The following SLIT2 variants were observed in gnomAD, a reference collection of about 807,000 sequenced individuals.
SLIT2 encodes slit homolog 2 protein.
In SLIT2, 41 loss-of-function variants were observed where a neutral mutation model predicts 185.7. That is an observed-to-expected ratio of 0.22 (90% confidence interval 0.17 to 0.29). SLIT2 has a LOEUF of 0.29. Among genes scored for constraint, SLIT2 ranks in the 10% least tolerant of loss-of-function variants. The pLI is 1.00. For synonymous variants in SLIT2, 693 were observed against 680.2 expected, an observed-to-expected ratio of 1.02 and a Z score of -0.29; for missense variants, 1,571 against 1,909.0, an observed-to-expected ratio of 0.82 and a Z score of 3.30.
chr4:20,274,445 A>G (rs1713959315), intron 4 of SLIT2, among the ~76,000 whole-genome samples: 1 of 152,200 alleles, frequency 6.6e-6, no homozygotes, highest in African/African-American at 2.4e-5. Context: ...AAGAAAGAAA[A>G]GTGCAAAGCC....
intron 22 of SLIT2, among the ~76,000 whole-genome samples, 184 bp from the exon 23 acceptor site, chr4:20,548,304 G>A (rs41266539): frequency 1.6e-3 from 242 of 152,210 alleles, no homozygotes; most frequent in Middle Eastern, 3.4e-3. Flanking sequence ...ACAGTGAGGT[G>A]TAAATAATCA....
chr4:20,508,297 A>G (rs1719384664), intron 9 of SLIT2, among the ~76,000 whole-genome samples: 1 of 151,988 alleles, frequency 6.6e-6, no homozygotes, highest in Non-Finnish European at 1.5e-5. Context: ...AACTTATTAT[A>G]CCTAAGAAAA....
chr4:20,312,241 A>G (rs561604895), intron 4 of SLIT2, among the ~76,000 whole-genome samples: 12 of 152,328 alleles, frequency 7.9e-5, no homozygotes, highest in Admixed American at 4.6e-4. Flanking sequence ...TACTCAACCA[A>G]CTCAACTAAC....
intron 4 of SLIT2, among the ~76,000 whole-genome samples, chr4:20,407,698 T>C (rs916575025): frequency 2.0e-5 from 3 of 152,164 alleles, no homozygotes; most frequent in African/African-American, 7.2e-5. Context: ...ACCTTTTTTG[T>C]TTGAGTTAAG....
intron 4 of SLIT2, among the ~76,000 whole-genome samples, chr4:20,461,614 C>A (rs182043147): frequency 6.6e-6 from 1 of 152,090 alleles, no homozygotes; most frequent in Non-Finnish European, 1.5e-5. Context: ...TAGGTGCGAT[C>A]AGGGGACTAG....
intron 33 of SLIT2, among the ~76,000 whole-genome samples, chr4:20,602,450 A>T (rs187269623): frequency 3.0e-4 from 46 of 152,342 alleles, no homozygotes; most frequent in African/African-American, 1.1e-3. Context: ...TTACATCTGG[A>T]TAGAAGATCA....
rs148839223 is a variant in SLIT2 at position 20,488,588 on chromosome 4, C to T, written c.612-231C>T. 3.2e-3 allele frequency among the ~76,000 whole-genome samples: 490 copies of T among 151,874 alleles called. 9 individuals are homozygous for T. The East Asian group carries it at 0.077, about 24-fold the overall frequency. ...TAAATGAACGTAAGTGAAATATGTT[C>T]GTTTAAAACATAATTTTATGGACAT... On this transcript the variant is annotated intron_variant, in intron 7 of 36. Transcript: ENST00000504154.
intron 4 of SLIT2, among the ~76,000 whole-genome samples, chr4:20,371,208 C>T (rs1723541498): frequency 6.6e-6 from 1 of 151,922 alleles, no homozygotes. Flanking sequence ...CACTAATGCA[C>T]CAACACACAT....
chr4:20,475,203 T>C (rs933213080), intron 5 of SLIT2, among the ~76,000 whole-genome samples: 2 of 152,096 alleles, frequency 1.3e-5, no homozygotes, highest in African/African-American at 2.4e-5. Context: ...GTGAACATTG[T>C]AGTGCCTCTG....
rs10673597 is a variant in SLIT2 at position 20,573,938 on chromosome 4, T to TTTTATTTATTTATTTATTTA, written c.3088+4949_3088+4968dup. ...CCCAAGAACGTGAGTCATAGAATTA[T>TTTTATTTATTTATTTATTTA]TTTATTTATTTATTTATTTATTTAT... On this transcript the variant is annotated intron_variant, in intron 29 of 36. Coordinates refer to ENST00000504154, the MANE Select transcript of SLIT2 (RefSeq NM_004787.4). Among the ~76,000 whole-genome samples the TTTTATTTATTTATTTATTTA allele has an allele frequency of 5.1e-3, 723 of 140,764 alleles. 8 individuals are homozygous for TTTTATTTATTTATTTATTTA. Among genetic ancestry groups the TTTTATTTATTTATTTATTTA allele is most frequent in the Middle Eastern group, 0.021 (6 of 280 alleles). 92.3% of individuals were successfully genotyped at this position (140,764 alleles called of 152,430 possible).
chr4:20,498,257 C>G (rs141161592), intron 9 of SLIT2, among the ~76,000 whole-genome samples: 1 of 152,188 alleles, frequency 6.6e-6, no homozygotes, highest in Non-Finnish European at 1.5e-5. Context: ...AAAAGTAGAA[C>G]ATATAATGTA....
At chr4:20,554,079 T>C (rs1387220037) in intron 26 of SLIT2, 111 bp downstream of exon 26, 3 of 899,146 alleles carry the variant, frequency 3.3e-6, no homozygotes, top group Non-Finnish European at 5.0e-6. Flanking sequence ...CAGTAAATGA[T>C]TATTTTTTCA....
intron 11 of SLIT2, among the ~76,000 whole-genome samples, chr4:20,516,332 A>T (rs1720214422): frequency 6.7e-6 from 1 of 149,634 alleles, no homozygotes; most frequent in African/African-American, 2.6e-5. Flanking sequence ...GAGTATATGT[A>T]TATTGTACAC....
intron 4 of SLIT2, among the ~76,000 whole-genome samples, chr4:20,312,824 G>A (rs1718244714): frequency 6.6e-6 from 1 of 150,912 alleles, no homozygotes; most frequent in South Asian, 2.1e-4. Context: ...TTAGAGTAGG[G>A]CTTTTAATTG....
chr4:20,499,988 A>G (rs1367661901), intron 9 of SLIT2, among the ~76,000 whole-genome samples: 2 of 152,224 alleles, frequency 1.3e-5, no homozygotes, highest in East Asian at 3.8e-4. Context: ...AATATGCTAA[A>G]TGTTAAAAAA....
intron 4 of SLIT2, among the ~76,000 whole-genome samples, chr4:20,328,091 C>T (rs1719749031): frequency 6.6e-6 from 1 of 151,992 alleles, no homozygotes; most frequent in Non-Finnish European, 1.5e-5. Context: ...TAGAACTACC[C>T]TACAAGGTTT....
intron 4 of SLIT2, among the ~76,000 whole-genome samples, chr4:20,283,098 C>T (rs531356263): frequency 3.2e-4 from 44 of 137,294 alleles, no homozygotes; most frequent in Non-Finnish European, 5.8e-4. Flanking sequence ...TGTGTGTTGC[C>T]TGTGTGCCTG....
At chr4:20,378,309 A>C (rs1164105498) in intron 4 of SLIT2, among the ~76,000 whole-genome samples, 1 of 152,208 alleles carries the variant, frequency 6.6e-6, no homozygotes, top group Non-Finnish European at 1.5e-5. Context: ...ATCTATCTGC[A>C]TGTAAACAGG....
chr4:20,274,653 A>G (rs1713980068), intron 4 of SLIT2, among the ~76,000 whole-genome samples: 1 of 152,110 alleles, frequency 6.6e-6, no homozygotes, highest in South Asian at 2.1e-4. Context: ...GCTGTTACCA[A>G]CACACAGAGT....
Sources: gnomAD v4.1 joint callset for allele counts (sites outside exome capture counted in the v4.1 genomes callset) on GRCh38, gnomAD v4.1.1 for gene constraint, MANE v1.5 for transcripts, NCBI Gene and HGNC (gene_info 2026-07-23, HGNC 2026-07-21) for gene names.